COL5A1: variants seen among roughly 807,000 people sequenced by gnomAD.
The protein encoded by COL5A1 is collagen type V alpha 1 chain.
COL5A1 carries 16 observed loss-of-function variants against 263.7 expected under a neutral mutation model. The observed-to-expected ratio is 0.06, with a 90% CI of 0.04 to 0.09. The LOEUF is 0.09. COL5A1 is among the 10% of genes least tolerant of loss of function. The pLI is 1.00. For synonymous variants in COL5A1, 1,012 were observed against 1,004.5 expected (o/e 1.01, Z -0.14); for missense variants, 2,036 against 2,540.5 (o/e 0.80, Z 4.27).
chr9:134,695,139 TTG>T (rs150042355), intron 2 of COL5A1, among the ~76,000 whole-genome samples: 266 of 152,254 alleles, frequency 1.7e-3, no homozygotes, highest in African/African-American at 5.9e-3. Context: ...CCTCTCTATT[TTG>T]TCCTCTGTAG....
At position 134,758,248 on chromosome 9, in the gene COL5A1, C is replaced by G. The variant is rs753828651; in HGVS notation, c.1887C>G (p.Asp629Glu). Residue 629 changes from aspartate (D) to glutamate (E), a missense_variant, in exon 18 of 66, where the codon GAC becomes GAG. Physicochemically the swap from Asp to Glu is conservative, Grantham distance 45. Around this residue, in one of 3 missense-constraint regions of COL5A1, gnomAD observed 1,078 missense variants for 1,521.4 expected, o/e 0.71. Transcript: ENST00000371817. This position sits in a 1 kb window ranked among gnomAD's most constrained non-coding sequence, Gnocchi z 4.1. ...GMPGQTGPKGDRGFDGLAGLP... is the reference protein window; with the variant it reads ...GMPGQTGPKGERGFDGLAGLP... ...CCTTTCTGTCCTTTTTGCAGGGTGA[C>G]CGGGGTTTCGACGGCCTGGCTGGGT... is the stretch of plus-strand genomic sequence containing the variant. 2.5e-6 allele frequency: 4 copies of G among 1,613,980 alleles called. No homozygotes were observed. The South Asian group carries it at 3.3e-5, about 13-fold the overall frequency.
intron 63 of COL5A1, among the ~76,000 whole-genome samples, chr9:134,826,140 C>T (rs1839253868): frequency 6.6e-6 from 1 of 152,248 alleles, no homozygotes; most frequent in Non-Finnish European, 1.5e-5. Context: ...GGCTTTCCAC[C>T]TGGCATCCTG....
intron 1 of COL5A1, among the ~76,000 whole-genome samples, chr9:134,675,615 G>A (rs1371900131): frequency 6.6e-6 from 1 of 152,198 alleles, no homozygotes; most frequent in Admixed American, 6.5e-5. Flanking sequence ...GTGTGAATCT[G>A]CGTTTTGAGC....
At chr9:134,760,690 T>C (rs1252091802) in intron 18 of COL5A1, among the ~76,000 whole-genome samples, 31 of 41,050 alleles carry the variant, frequency 7.6e-4, no homozygotes, top group Admixed American at 1.3e-3. Flanking sequence ...CCCACACTCA[T>C]ACATGCACAC....
At chr9:134,814,751 C>T (rs374913359) in intron 49 of COL5A1, 46 bp from the exon 50 acceptor site, 61 of 1,445,528 alleles carry the variant, frequency 4.2e-5, no homozygotes, top group African/African-American at 3.4e-4. Context: ...CTCTGGGCGG[C>T]GACGTGGTTG....
chr9:134,807,269 C>A (rs979069464), intron 42 of COL5A1, among the ~76,000 whole-genome samples: 3 of 152,208 alleles, frequency 2.0e-5, no homozygotes, highest in South Asian at 4.1e-4. Context: ...TGAGTTAGGT[C>A]TGAGTGCTGA....
intron 32 of COL5A1, among the ~76,000 whole-genome samples, chr9:134,791,092 C>T (rs565157294): frequency 6.6e-6 from 1 of 152,334 alleles, no homozygotes; most frequent in African/African-American, 2.4e-5. Flanking sequence ...TCCAGGGCAT[C>T]AGCACTGTGG....
intron 44 of COL5A1, chr9:134,810,575 A>G (rs1167382819): frequency 6.1e-6 from 3 of 493,126 alleles, no homozygotes; most frequent in Non-Finnish European, 1.1e-5. Flanking sequence ...TCTGTCCTAG[A>G]GGGCTTGGGT....
intron 19 of COL5A1, 105 bp from the exon 20 acceptor site, chr9:134,763,588 T>G: frequency 8.6e-7 from 1 of 1,166,386 alleles, no homozygotes; most frequent in Non-Finnish European, 1.3e-6. Context: ...ACCTGGCGTA[T>G]GTGAAGCAGC....
At position 134,824,661 on chromosome 9, in the gene COL5A1, T is replaced by G. The variant is rs1361122938; in HGVS notation, c.4760T>G (p.Ile1587Ser). The G allele has an allele frequency of 3.1e-6, 5 of 1,614,106 alleles. No homozygotes were observed. The South Asian group carries it at 5.5e-5, about 18-fold the overall frequency. The change falls in exon 62 of 66, where the codon ATC becomes AGC. Residue 1587 changes from isoleucine (I) to serine (S), a missense_variant. Transcript: ENST00000371817. ...PIQASRTRRN[I>S]DASQLLDDGN... ...CAGGCATCCAGGACGCGGCGGAACA[T>G]CGACGCCAGCCAGCTGCTGGACGAC...
At chr9:134,654,630 TGTGTAGGGCTGGAG>T (rs1831865916) in intron 1 of COL5A1, among the ~76,000 whole-genome samples, 1 of 100,482 alleles carries the variant, frequency 1.0e-5, no homozygotes, top group African/African-American at 4.0e-5. Context: ...GGGCTGGGGG[TGTGTAGGGCTGGAG>T]GTGTGTAGGG....
intron 63 of COL5A1, among the ~76,000 whole-genome samples, chr9:134,828,956 A>G (rs571844936): frequency 6.7e-5 from 10 of 150,344 alleles, no homozygotes; most frequent in Admixed American, 2.0e-4. Context: ...CGTACCACAC[A>G]CCATACCCTT....
chr9:134,704,617 C>T (rs1833779522), intron 4 of COL5A1, among the ~76,000 whole-genome samples: 1 of 152,162 alleles, frequency 6.6e-6, no homozygotes, highest in Non-Finnish European at 1.5e-5. Context: ...GCCAGAGTGG[C>T]TGCCAGGAAC....
chr9:134,823,117 A>C (rs945681148), intron 60 of COL5A1, 84 bp downstream of exon 60: 1 of 1,474,696 alleles, frequency 6.8e-7, no homozygotes. Context: ...CAAACTACCC[A>C]GACAACCGTC....
At chr9:134,734,923 G>A (rs1025263288) in intron 9 of COL5A1, among the ~76,000 whole-genome samples, 1 of 152,136 alleles carries the variant, frequency 6.6e-6, no homozygotes, top group African/African-American at 2.4e-5. Context: ...AAAATTGTAT[G>A]CATTCGGCCG....
intron 4 of COL5A1, chr9:134,708,828 G>A (rs1379211201): frequency 1.1e-5 from 5 of 456,568 alleles, no homozygotes; most frequent in African/African-American, 2.0e-5. Flanking sequence ...CAAGATCGAG[G>A]TGTGGGCGGG....
intron 63 of COL5A1, among the ~76,000 whole-genome samples, chr9:134,828,350 C>G (rs1839381017): frequency 6.6e-6 from 1 of 152,134 alleles, no homozygotes; most frequent in Admixed American, 6.5e-5. Context: ...TGCCCCATGG[C>G]AGCGTGAGCT....
chr9:134,803,792 G>A (rs570204838), intron 39 of COL5A1, among the ~76,000 whole-genome samples: 15 of 151,500 alleles, frequency 9.9e-5, no homozygotes, highest in South Asian at 4.2e-4. Context: ...GCAGTGAGCC[G>A]AGATCGCGCC....
At chr9:134,835,637 T>C (rs558229241) in intron 65 of COL5A1, among the ~76,000 whole-genome samples, 86 of 152,332 alleles carry the variant, frequency 5.6e-4, no homozygotes, top group African/African-American at 1.9e-3. Context: ...CTGCAGACAG[T>C]TGCCAGCTCT....
Sources: allele counts gnomAD v4.1 joint callset (sites outside exome capture counted in the v4.1 genomes callset), GRCh38; gene constraint gnomAD v4.1.1; regional missense constraint gnomAD v4.1.1; non-coding constraint Gnocchi (gnomAD v3.1); transcripts MANE v1.5; gene names NCBI Gene and HGNC (gene_info 2026-07-23, HGNC 2026-07-21).